Variants in PER2 observed in about 807,000 individuals in gnomAD.
PER2 encodes period circadian protein homolog 2.
PER2 carries 66 observed loss-of-function variants against 121.0 expected under a neutral mutation model. The observed-to-expected ratio is 0.55, with a 90% CI of 0.45 to 0.67. The LOEUF (loss-of-function observed/expected upper bound fraction) is 0.67. Among genes scored for constraint, PER2 ranks in the 30% least tolerant of loss-of-function variants. PER2 has a pLI of 0.00. For synonymous variants in PER2, 684 were observed against 659.9 expected, an observed-to-expected ratio of 1.04 and a Z score of -0.56; for missense variants, 1,521 against 1,635.0, an observed-to-expected ratio of 0.93 and a Z score of 1.20.
chr2:238,260,062 AAAAC>A lies in PER2; in HGVS notation c.1543-13_1543-10del. ...CCATTTTTACAAATTTCCTTGAAGA[AAAAC>A]AAAATGAACACATTATTCATTCTAG... On this transcript the variant is annotated splice_polypyrimidine_tract_variant and intron_variant, in intron 13 of 22. Coordinates refer to ENST00000254657, the MANE Select transcript of PER2 (RefSeq NM_022817.3). The A allele has an allele frequency of 8.0e-7, 1 of 1,249,282 alleles. No individual in the cohort carries two copies. Among genetic ancestry groups the A allele is most frequent in the Non-Finnish European group, 1.2e-6 (1 of 857,812 alleles). 77.4% of individuals were successfully genotyped at this position (1,249,282 alleles called of 1,614,324 possible). A position where few individuals can be genotyped will look rare whatever the true frequency, so the allele number is the denominator to read the frequency against.
At position 238,262,180 on chromosome 2, in the gene PER2, G is replaced by A; in HGVS notation, c.1307+11C>T. The A allele has an allele frequency of 6.2e-7, 1 of 1,612,998 alleles. No individual in the cohort carries two copies. Among genetic ancestry groups the A allele is most frequent in the Non-Finnish European group, 8.5e-7 (1 of 1,179,686 alleles). On this transcript the variant is annotated intron_variant, in intron 11 of 22. Transcript: ENST00000254657. ...GACCCCTGAGCCACCTCGGGCCCTT[G>A]GAGCACTCACACCCTGACTTTGTGC... is the stretch of plus-strand genomic sequence containing the variant.
In PER2 at chr2:238,244,051, A is replaced by G. The variant is rs1190636531; in HGVS notation, c.*2324T>C. 1 of 152,538 alleles carries G rather than the reference A, an allele frequency of 6.6e-6. No homozygotes were observed. The highest frequency in any genetic ancestry group is 2.4e-5 in the African/African-American group (1 of 41,472). 9.4% of individuals were successfully genotyped at this position (152,538 alleles called of 1,614,324 possible). A position where few individuals can be genotyped will look rare whatever the true frequency, so the allele number is the denominator to read the frequency against. On this transcript the variant is annotated 3_prime_UTR_variant, in exon 23 of 23. Coordinates refer to ENST00000254657, the MANE Select transcript of PER2 (RefSeq NM_022817.3). ...AATACATACAAGTAAAAATAAAAAT[A>G]TACTTGCTTTATTTACCAATTTTCT...
rs1175651643 is a variant in PER2, at chr2:238,244,486, C to T, written c.*1889G>A. ...GTAAGATTTTGGCAGTTTTGTGTTT[C>T]GGTAACATAACTGTAACCTTAGATG... On this transcript the variant is annotated 3_prime_UTR_variant, in exon 23 of 23. Coordinates refer to ENST00000254657, the MANE Select transcript of PER2 (RefSeq NM_022817.3). 1 of 152,252 alleles carries T rather than the reference C, an allele frequency of 6.6e-6. No individual in the cohort carries two copies. The highest frequency in any genetic ancestry group is 1.5e-5 in the Non-Finnish European group (1 of 68,040). The allele number at this position is 152,252 out of a possible 1,614,324, so 9.4% of individuals were successfully genotyped here.
intron 16 of PER2, among the ~76,000 whole-genome samples, chr2:238,258,003 G>A (rs932878236): frequency 1.3e-5 from 2 of 152,214 alleles, no homozygotes; most frequent in African/African-American, 4.8e-5. Flanking sequence ...GGGACCAGGA[G>A]ATGTCCCTGC....
chr2:238,276,655 A>G (rs1042402325), intron 3 of PER2, among the ~76,000 whole-genome samples: 2 of 152,254 alleles, frequency 1.3e-5, no homozygotes, highest in African/African-American at 4.8e-5. Context: ...TTAGAGAGAC[A>G]GGACAGCGGG....
chr2:238,259,899 C>T, intron 14 of PER2, 70 bp downstream of exon 14: 2 of 761,312 alleles, frequency 2.6e-6, no homozygotes, highest in South Asian at 3.0e-5. Flanking sequence ...AGCATTTAAC[C>T]CAGGTTCCCT....
In PER2 at chr2:238,288,389, G is replaced by A. The variant is rs934761643; in HGVS notation, c.-60C>T. 2 of 152,264 alleles carry A rather than the reference G, an allele frequency of 1.3e-5. No individual in the cohort carries two copies. Among genetic ancestry groups the A allele is most frequent in the African/African-American group, 4.8e-5 (2 of 41,456 alleles). 9.4% of individuals were successfully genotyped at this position (152,264 alleles called of 1,614,324 possible). A position where few individuals can be genotyped will look rare whatever the true frequency, so the allele number is the denominator to read the frequency against. Reference sequence around the variant, plus strand: ...CTCCTGAGCTGCGAAGCGGGGGTTCGAGTCCCCAACCCTCGGTGTCACCGC... The same window carrying A: ...CTCCTGAGCTGCGAAGCGGGGGTTCAAGTCCCCAACCCTCGGTGTCACCGC... On this transcript the variant is annotated 5_prime_UTR_variant, in exon 1 of 23. Transcript: ENST00000254657.
chr2:238,276,996 C>T (rs1025491670), intron 3 of PER2, 135 bp downstream of exon 3: 11 of 776,758 alleles, frequency 1.4e-5, no homozygotes, highest in Non-Finnish European at 2.4e-5. Flanking sequence ...AGGCTGGGTT[C>T]GTACCCACAT....
At position 238,268,386 on chromosome 2, in the gene PER2, C is replaced by A. The variant is rs946988583; in HGVS notation, c.825-188G>T. ...AGTCCCATCATACTGAAGGGCAAAT[C>A]AGAGTTAACACCCCCACCAGTGGGG... On this transcript the variant is annotated intron_variant, in intron 7 of 22. Transcript: ENST00000254657. This position sits in a 1 kb window ranked among gnomAD's most constrained non-coding sequence, Gnocchi z 4.0. 6.6e-6 allele frequency among the ~76,000 whole-genome samples: 1 copy of A among 152,198 alleles called. No individual in the cohort carries two copies. Among genetic ancestry groups the A allele is most frequent in the African/African-American group, 2.4e-5 (1 of 41,452 alleles).
intron 5 of PER2, among the ~76,000 whole-genome samples, chr2:238,272,618 G>A (rs1696324231): frequency 6.6e-6 from 1 of 152,254 alleles, no homozygotes; most frequent in South Asian, 2.1e-4. Flanking sequence ...GAGTAGGTGT[G>A]TGTGTATGTG....
intron 1 of PER2, among the ~76,000 whole-genome samples, chr2:238,287,936 T>C (rs989112977): frequency 2.0e-5 from 3 of 152,086 alleles, no homozygotes; most frequent in Non-Finnish European, 4.4e-5. Flanking sequence ...GACACCCCCA[T>C]TCCCTTCTAT....
At chr2:238,274,266 G>A (rs1386816661) in intron 4 of PER2, among the ~76,000 whole-genome samples, 4 of 152,204 alleles carry the variant, frequency 2.6e-5, no homozygotes, top group Admixed American at 1.3e-4. Context: ...CACTCCAGGC[G>A]GGAGCAAAGG....
chr2:238,277,285 T>C lies in PER2; in HGVS notation c.231-92A>G, dbSNP rs529724471. 160 of 868,548 alleles carry C rather than the reference T, an allele frequency of 1.8e-4. No individual in the cohort carries two copies. In the South Asian group the frequency reaches 2.0e-3, roughly 11 times the overall value. 53.8% of individuals were successfully genotyped at this position (868,548 alleles called of 1,614,324 possible). On this transcript the variant is annotated intron_variant, in intron 2 of 22. Transcript: ENST00000254657. ...ATCCTACCAGTGATAACAGGCTAGA[T>C]AATACCATGGTAAGACAATTTTTTA...
chr2:238,268,818 AGTCCCTGCAGGCAGGGATCAC>A lies in PER2; in HGVS notation c.824+84_824+104del. 1.2e-6 allele frequency: 1 copy of A among 812,054 alleles called. No individual in the cohort carries two copies. The highest frequency in any genetic ancestry group is 2.2e-6 in the Non-Finnish European group (1 of 458,612). The allele number at this position is 812,054 out of a possible 1,614,324, so 50.3% of individuals were successfully genotyped here. ...GTAGACTTCAGAAACAGGCGTGCTG[AGTCCCTGCAGGCAGGGATCAC>A]GCCCCCCAGCCTCAAGCGGAGCAGT... On this transcript the variant is annotated intron_variant, in intron 7 of 22. Transcript: ENST00000254657. This position sits in a 1 kb window ranked among gnomAD's most constrained non-coding sequence, Gnocchi z 4.0.
chr2:238,261,380 CCCTT>C (rs1695926141), intron 12 of PER2: 1 of 401,936 alleles, frequency 2.5e-6, no homozygotes. Context: ...CAATGTCCCT[CCCTT>C]AAGTCCCACT....
chr2:238,268,546 T>C lies in PER2; in HGVS notation c.825-348A>G, dbSNP rs1696183708. ...GGTCACTCCTGACAGTGCAGCTGGATGCTCAATCAGTCACCCTGGTTTGGA... is the reference window on the plus strand; with the variant it reads ...GGTCACTCCTGACAGTGCAGCTGGACGCTCAATCAGTCACCCTGGTTTGGA... On this transcript the variant is annotated intron_variant, in intron 7 of 22. Transcript: ENST00000254657. This position sits in a 1 kb window ranked among gnomAD's most constrained non-coding sequence, Gnocchi z 4.0. 6.6e-6 allele frequency among the ~76,000 whole-genome samples: 1 copy of C among 152,210 alleles called. No individual in the cohort carries two copies. Among genetic ancestry groups the C allele is most frequent in the African/African-American group, 2.4e-5 (1 of 41,452 alleles).
intron 9 of PER2, among the ~76,000 whole-genome samples, chr2:238,265,054 G>A (rs142391211): frequency 3.3e-5 from 5 of 152,304 alleles, no homozygotes; most frequent in Admixed American, 6.5e-5. Flanking sequence ...GGGACTGTTC[G>A]CACCTGCTAC....
In PER2 at chr2:238,246,438, C is replaced by T; in HGVS notation, c.3705G>A (p.Val1235=). 6.2e-7 allele frequency: 1 copy of T among 1,611,600 alleles called. No individual in the cohort carries two copies. Among genetic ancestry groups the T allele is most frequent in the Non-Finnish European group, 8.5e-7 (1 of 1,177,818 alleles). ...EDIPSLGLSE[V]SDTKEDENGS... Reference sequence around the variant, plus strand: ...CATTTTCGTCTTCTTTGGTGTCCGACACTTCGCTGAGTCCCAGAGAAGGAA... The same window carrying T: ...CATTTTCGTCTTCTTTGGTGTCCGATACTTCGCTGAGTCCCAGAGAAGGAA... Residue 1235 remains valine (V), a synonymous_variant, in exon 23 of 23, where the codon GTG becomes GTA. Transcript: ENST00000254657.
At chr2:238,256,842 G>C (rs1695776537) in intron 17 of PER2, 80 bp downstream of exon 17, 1 of 1,456,998 alleles carries the variant, frequency 6.9e-7, no homozygotes, top group Non-Finnish European at 9.5e-7. Context: ...TCTGCACTTA[G>C]AAAAATTTAA....
Sources: gnomAD v4.1 joint callset for allele counts (sites outside exome capture counted in the v4.1 genomes callset) on GRCh38, gnomAD v4.1.1 for gene constraint, Gnocchi (gnomAD v3.1) non-coding constraint, MANE v1.5 for transcripts, NCBI Gene and HGNC (gene_info 2026-07-23, HGNC 2026-07-21) for gene names.